PDXK: variants seen among roughly 807,000 people sequenced by gnomAD.
The protein encoded by PDXK is epididymis secretory sperm binding protein Li 1a.
In PDXK, 15 loss-of-function variants were observed where a neutral mutation model predicts 43.2. The observed-to-expected ratio is 0.35, with a 90% CI of 0.23 to 0.53. PDXK has a LOEUF of 0.53. PDXK is among the 20% of genes least tolerant of loss of function. The pLI is 0.92. For synonymous variants in PDXK, 172 were observed against 165.4 expected, an observed-to-expected ratio of 1.04 and a Z score of -0.31; for missense variants, 343 against 417.0, an observed-to-expected ratio of 0.82 and a Z score of 1.54.
At position 43,737,384 on chromosome 21, in the gene PDXK, C is replaced by T. The variant is rs760718247; in HGVS notation, c.142+3261C>T. On this transcript the variant is annotated intron_variant, in intron 2 of 10. Coordinates refer to ENST00000291565, the MANE Select transcript of PDXK (RefSeq NM_003681.5). The surrounding 1 kb of genome is among the most constrained non-coding windows in gnomAD (Gnocchi z 4.8). ...ACAAGGTGCGTTCATTTTTCCACACCGTGAGCTGGGCTTGGCAGAGCCTCC... is the reference window on the plus strand; with the variant it reads ...ACAAGGTGCGTTCATTTTTCCACACTGTGAGCTGGGCTTGGCAGAGCCTCC... 8.4e-6 allele frequency: 10 copies of T among 1,191,964 alleles called. No homozygotes were observed. Among genetic ancestry groups the T allele is most frequent in the Non-Finnish European group, 1.0e-5 (10 of 955,040 alleles). The allele number at this position is 1,191,964 out of a possible 1,614,324, so 73.8% of individuals were successfully genotyped here.
At position 43,732,094 on chromosome 21, in the gene PDXK, C is replaced by T. The variant is rs931571491; in HGVS notation, c.88-1975C>T. Reference sequence around the variant, plus strand: ...GCTGCCCCTGTGGGGAGAAGAGCCCCGGGGGAAGAAGAGCACTGCTGACAG... The same window carrying T: ...GCTGCCCCTGTGGGGAGAAGAGCCCTGGGGGAAGAAGAGCACTGCTGACAG... On this transcript the variant is annotated intron_variant, in intron 1 of 10. Transcript: ENST00000291565. The surrounding 1 kb of genome is among the most constrained non-coding windows in gnomAD (Gnocchi z 4.1). The T allele has an allele frequency of 1.8e-5, 22 of 1,201,292 alleles. No individual in the cohort carries two copies. The highest frequency in any genetic ancestry group is 3.3e-4 in the Middle Eastern group (1 of 3,036). The allele number at this position is 1,201,292 out of a possible 1,614,324, so 74.4% of individuals were successfully genotyped here. A position where few individuals can be genotyped will look rare whatever the true frequency, so the allele number is the denominator to read the frequency against.
At chr21:43,751,937 C>T (rs1451666776) in intron 7 of PDXK, among the ~76,000 whole-genome samples, 1 of 152,196 alleles carries the variant, frequency 6.6e-6, no homozygotes, top group African/African-American at 2.4e-5. Context: ...TTTGTCTTCA[C>T]AACCCAGGAG....
In PDXK at chr21:43,757,893, C is replaced by A. The variant is rs962925336; in HGVS notation, c.*1830C>A. ...AGGGATCTGCCAGAACCACCTGGCC[C>A]TCTGTAGGGCGTTTAACTGGAAATA... On this transcript the variant is annotated 3_prime_UTR_variant, in exon 11 of 11. Coordinates refer to ENST00000291565, the MANE Select transcript of PDXK (RefSeq NM_003681.5). The A allele has an allele frequency of 6.6e-6, 1 of 152,218 alleles. No homozygotes were observed. The highest frequency in any genetic ancestry group is 2.4e-5 in the African/African-American group (1 of 41,448). 9.4% of individuals were successfully genotyped at this position (152,218 alleles called of 1,614,324 possible).
chr21:43,743,600 T>A, intron 3 of PDXK, 124 bp from the exon 4 acceptor site: 2 of 437,254 alleles, frequency 4.6e-6, no homozygotes, highest in Non-Finnish European at 9.1e-6. Flanking sequence ...ACACCTCGCC[T>A]GCACCCACCT....
chr21:43,744,751 A>C (rs1416839905), intron 4 of PDXK: 1 of 152,260 alleles, frequency 6.6e-6, no homozygotes, highest in African/African-American at 2.4e-5. Flanking sequence ...GTGACCCAGC[A>C]ATTCCGCCCT....
Position 43,755,971 on chromosome 21 carries a change from A to T in PDXK, c.847A>T (p.Arg283Trp). 1.9e-6 allele frequency: 3 copies of T among 1,611,644 alleles called. No homozygotes were observed. The highest frequency in any genetic ancestry group is 2.5e-6 in the Non-Finnish European group (3 of 1,178,542). Residue 283 changes from arginine (R) to tryptophan (W), a missense_variant, in exon 11 of 11, where the codon AGG becomes TGG. By Grantham distance (101) the Arg-to-Trp change is moderately radical. Transcript: ENST00000291565. ...CGCAGCCCAGGCCGGGGAAGGAGTG[A>T]GGCCCAGCCCCATGCAGCTGGAGCT... Reference protein sequence around the residue: ...CAKAQAGEGVRPSPMQLELRM... With the variant: ...CAKAQAGEGVWPSPMQLELRM...
intron 2 of PDXK, chr21:43,740,921 G>A (rs909095607): frequency 4.8e-5 from 7 of 147,138 alleles, no homozygotes; most frequent in Admixed American, 3.4e-4. Context: ...GAGCACCCCG[G>A]CCTGAATAGC....
chr21:43,734,868 T>C lies in PDXK; in HGVS notation c.142+745T>C, dbSNP rs1239277912. ...CTTTGAAACCCCACCTCGCTTCCCC[T>C]GAAATTTCTCTGAACCCAGGCGGAA... On this transcript the variant is annotated intron_variant, in intron 2 of 10. Coordinates refer to ENST00000291565, the MANE Select transcript of PDXK (RefSeq NM_003681.5). This position sits in a 1 kb window ranked among gnomAD's most constrained non-coding sequence, Gnocchi z 5.0. 2.0e-5 allele frequency among the ~76,000 whole-genome samples: 3 copies of C among 152,276 alleles called. No individual in the cohort carries two copies. The East Asian group carries it at 5.8e-4, about 29-fold the overall frequency.
chr21:43,743,764 C>G lies in PDXK; in HGVS notation c.288C>G (p.Asp96Glu), dbSNP rs776182705. The G allele has an allele frequency of 2.8e-5, 45 of 1,613,634 alleles. No individual in the cohort carries two copies. The highest frequency in any genetic ancestry group is 3.8e-5 in the Non-Finnish European group (45 of 1,179,772). The change falls in exon 4 of 11, where the codon GAC becomes GAG. Residue 96 changes from aspartate to glutamate, a missense_variant. By Grantham distance (45) the Asp-to-Glu change is conservative (BLOSUM62 2). Coordinates refer to ENST00000291565, the MANE Select transcript of PDXK (RefSeq NM_003681.5). Reference protein sequence around the residue: ...RDKSFLAMVVDIVQELKQQNP... With the variant: ...RDKSFLAMVVEIVQELKQQNP... ...AGTCGTTCCTGGCCATGGTGGTGGA[C>G]ATTGTGCAGGAGCTGAAGCAGCAGA... is the stretch of plus-strand genomic sequence containing the variant.
chr21:43,726,962 G>A (rs1409696213), intron 1 of PDXK, among the ~76,000 whole-genome samples: 1 of 152,120 alleles, frequency 6.6e-6, no homozygotes, highest in Non-Finnish European at 1.5e-5. Flanking sequence ...CACATGTCTG[G>A]GCATGCATGC....
intron 5 of PDXK, 76 bp downstream of exon 5, chr21:43,746,201 A>G (rs2147284952): frequency 8.6e-7 from 1 of 1,159,644 alleles, no homozygotes. Context: ...ACAGGCCCAC[A>G]TCTCTAAGTG....
chr21:43,728,604 C>G (rs1448772601), intron 1 of PDXK: 1 of 519,772 alleles, frequency 1.9e-6, no homozygotes, highest in African/African-American at 2.1e-5. Flanking sequence ...TGGCTGTCTG[C>G]CTGTCTGCCT....
chr21:43,732,285 C>T lies in PDXK; in HGVS notation c.88-1784C>T, dbSNP rs1345818276. On this transcript the variant is annotated intron_variant, in intron 1 of 10. Coordinates refer to ENST00000291565, the MANE Select transcript of PDXK (RefSeq NM_003681.5). This position sits in a 1 kb window ranked among gnomAD's most constrained non-coding sequence, Gnocchi z 4.1. ...GTGTAACAGCAGGAGATACCTTTCT[C>T]TGGGGTCCCAGGCTCCCGTCCTGGA... 2.3e-5 allele frequency: 36 copies of T among 1,560,340 alleles called. No homozygotes were observed. The East Asian group carries it at 8.0e-4, about 35-fold the overall frequency.
At chr21:43,728,192 T>C (rs1336010927) in intron 1 of PDXK, among the ~76,000 whole-genome samples, 1 of 152,020 alleles carries the variant, frequency 6.6e-6, no homozygotes, top group East Asian at 1.9e-4. Context: ...CACCAGAAGT[T>C]CCCCCTGGGA....
intron 2 of PDXK, among the ~76,000 whole-genome samples, chr21:43,739,946 C>G (rs1187899518): frequency 6.6e-6 from 1 of 151,814 alleles, no homozygotes; most frequent in East Asian, 1.9e-4. Flanking sequence ...GACACACCCT[C>G]CACCGGAGGG....
rs2083871608 is a variant in PDXK at position 43,757,601 on chromosome 21, AT to A, written c.*1539del. 6.6e-6 allele frequency: 1 copy of A among 152,120 alleles called. No individual in the cohort carries two copies. Among genetic ancestry groups the A allele is most frequent in the Non-Finnish European group, 1.5e-5 (1 of 68,044 alleles). The allele number at this position is 152,120 out of a possible 1,614,324, so 9.4% of individuals were successfully genotyped here. A position where few individuals can be genotyped will look rare whatever the true frequency, so the allele number is the denominator to read the frequency against. On this transcript the variant is annotated 3_prime_UTR_variant, in exon 11 of 11. Transcript: ENST00000291565. ...CTGAAGCGAAAAGATGCAGGTTTAT[AT>A]GGAACCCCCACCCCCTCCCCCACTC...
chr21:43,743,772 A>T lies in PDXK; in HGVS notation c.296A>T (p.Gln99Leu). 1 of 1,613,840 alleles carries T rather than the reference A, an allele frequency of 6.2e-7. No individual in the cohort carries two copies. Among genetic ancestry groups the T allele is most frequent in the Non-Finnish European group, 8.5e-7 (1 of 1,179,802 alleles). ...SFLAMVVDIV[Q>L]ELKQQNPRLV... is the part of the protein sequence containing the mutation. ...CTGGCCATGGTGGTGGACATTGTGC[A>T]GGAGCTGAAGCAGCAGAACCCCAGG... Residue 99 changes from glutamine to leucine, a missense_variant, in exon 4 of 11, where the codon CAG becomes CTG. Gln to Leu is a moderately radical substitution (Grantham distance 113, BLOSUM62 -2). Transcript: ENST00000291565.
chr21:43,725,581 G>T (rs1029952017), intron 1 of PDXK, among the ~76,000 whole-genome samples: 2 of 152,224 alleles, frequency 1.3e-5, no homozygotes, highest in Admixed American at 6.5e-5. Context: ...AGGCTGAGGT[G>T]GGTGGATCAC....
Position 43,719,396 on chromosome 21 carries a change from G to T in PDXK, c.87+15G>T, listed in dbSNP as rs770160132. 6.6e-7 allele frequency: 1 copy of T among 1,517,374 alleles called. No homozygotes were observed. The highest frequency in any genetic ancestry group is 1.2e-5 in the South Asian group (1 of 81,600). The allele number at this position is 1,517,374 out of a possible 1,614,324, so 94.0% of individuals were successfully genotyped here. ...TCCCGCTGCAGGTACGCATCCGCCC[G>T]CAGCCCGGGCTTACGTAACCCGAGC... On this transcript the variant is annotated intron_variant, in intron 1 of 10. Transcript: ENST00000291565.
Sources: allele counts gnomAD v4.1 joint callset (sites outside exome capture counted in the v4.1 genomes callset), GRCh38; gene constraint gnomAD v4.1.1; non-coding constraint Gnocchi (gnomAD v3.1); transcripts MANE v1.5; gene names NCBI Gene and HGNC (gene_info 2026-07-23, HGNC 2026-07-21).